The following GRAMD1C variants were observed in gnomAD, a reference collection of about 807,000 sequenced individuals.
The protein encoded by GRAMD1C is GRAM domain containing 1C, also known as protein Aster-C.
Under a neutral mutation model 97.8 loss-of-function variants are expected in GRAMD1C, and 89 were observed. The observed-to-expected ratio is 0.91, with a 90% CI of 0.77 to 1.09. The LOEUF (loss-of-function observed/expected upper bound fraction) is 1.09. Ranked by LOEUF, GRAMD1C falls within the 50% of genes least tolerant of loss-of-function variation. The pLI is 0.00. For synonymous variants in GRAMD1C, 256 were observed against 267.0 expected, an observed-to-expected ratio of 0.96 and a Z score of 0.40; for missense variants, 740 against 766.4, an observed-to-expected ratio of 0.97 and a Z score of 0.41.
intron 1 of GRAMD1C, among the ~76,000 whole-genome samples, chr3:113,828,743 C>CAA (rs1331529499): frequency 6.6e-6 from 1 of 152,110 alleles, no homozygotes; most frequent in East Asian, 1.9e-4. Context: ...TTGGTGATTT[C>CAA]AATAGCCACT....
chr3:113,923,769 G>A (rs1009313765), intron 10 of GRAMD1C, among the ~76,000 whole-genome samples: 1 of 152,104 alleles, frequency 6.6e-6, no homozygotes, highest in African/African-American at 2.4e-5. Flanking sequence ...GTATCAGAAT[G>A]ATGCTGAATG....
intron 17 of GRAMD1C, among the ~76,000 whole-genome samples, chr3:113,944,996 T>C (rs1322473383): frequency 6.6e-6 from 1 of 152,142 alleles, no homozygotes; most frequent in African/African-American, 2.4e-5. Context: ...AGAGTGTGAA[T>C]ATGAGTAAGT....
chr3:113,885,382 C>CG, intron 6 of GRAMD1C: 2 of 1,583,604 alleles, frequency 1.3e-6, no homozygotes, highest in Non-Finnish European at 1.7e-6. Flanking sequence ...TTACCTTTTG[C>CG]GGGGGCAGAT....
upstream of GRAMD1C, among the ~76,000 whole-genome samples, chr3:113,834,073 A>G (rs1046733479): frequency 6.6e-6 from 1 of 152,206 alleles, no homozygotes; most frequent in Non-Finnish European, 1.5e-5. Flanking sequence ...CATGTGTGCA[A>G]TTAAATCTAT....
intron 17 of GRAMD1C, among the ~76,000 whole-genome samples, chr3:113,942,694 T>C (rs1316231707): frequency 6.6e-6 from 1 of 152,216 alleles, no homozygotes; most frequent in African/African-American, 2.4e-5. Context: ...TCCTTAACAA[T>C]GCCTTGGTGT....
intron 15 of GRAMD1C, 44 bp downstream of exon 15, chr3:113,938,187 T>A: frequency 2.2e-6 from 2 of 889,188 alleles, no homozygotes; most frequent in Non-Finnish European, 3.5e-6. Context: ...TTTCAGCATT[T>A]ATCTTTAACT....
intron 2 of GRAMD1C, among the ~76,000 whole-genome samples, chr3:113,860,210 C>CA (rs1217529016): frequency 6.6e-5 from 10 of 152,056 alleles, no homozygotes; most frequent in Middle Eastern, 3.2e-3. Flanking sequence ...TTAGTAGAGA[C>CA]AGGGTTTCAC....
Position 113,904,262 on chromosome 3 carries a change from C to T in GRAMD1C, c.779C>T (p.Ser260Leu), listed in dbSNP as rs1224423909. The T allele has an allele frequency of 8.7e-6, 14 of 1,601,160 alleles. No homozygotes were observed. The highest frequency in any genetic ancestry group is 1.2e-5 in the Non-Finnish European group (14 of 1,168,474). Residue 260 changes from serine to leucine, a missense_variant, in exon 8 of 18, where the codon TCA (serine) becomes TTA (leucine). Ser to Leu is a moderately radical substitution (Grantham distance 145). Transcript: ENST00000358160. ...GAAACAGAGTCATTCGATGGAAATT[C>T]ATCAAAAGGAGTTAGTATATGATAT... ...VSETESFDGN[S>L]SKGGLGKEES...
chr3:113,856,843 ATTT>A (rs71144093), intron 2 of GRAMD1C, among the ~76,000 whole-genome samples: 126 of 140,866 alleles, frequency 8.9e-4, no homozygotes, highest in Admixed American at 9.2e-4. Context: ...CCAGCTGCCT[ATTT>A]TTTTTTTTTT....
intron 2 of GRAMD1C, 26 bp downstream of exon 2, chr3:113,844,675 T>A (rs756557871): frequency 7.9e-6 from 12 of 1,521,350 alleles, no homozygotes; most frequent in African/African-American, 4.2e-5. Flanking sequence ...ACGTCTTTAT[T>A]TTAATCTTGA....
intron 10 of GRAMD1C, 21 bp from the exon 11 acceptor site, chr3:113,930,693 T>G: frequency 8.3e-7 from 1 of 1,205,032 alleles, no homozygotes; most frequent in Non-Finnish European, 1.2e-6. Context: ...AACTAACTCA[T>G]TTTGTGTTTG....
chr3:113,900,885 G>A, intron 6 of GRAMD1C, 146 bp from the exon 7 acceptor site: 1 of 468,430 alleles, frequency 2.1e-6, no homozygotes, highest in Non-Finnish European at 3.8e-6. Context: ...CAAAATGGAG[G>A]TACAGAAAGG....
At chr3:113,930,363 C>T (rs531117287) in intron 10 of GRAMD1C, among the ~76,000 whole-genome samples, 4 of 152,144 alleles carry the variant, frequency 2.6e-5, no homozygotes, top group South Asian at 2.1e-4. Flanking sequence ...AGTGTTGTTC[C>T]GTCTCTGATA....
intron 6 of GRAMD1C, among the ~76,000 whole-genome samples, chr3:113,884,144 A>G (rs1935362745): frequency 6.6e-6 from 1 of 152,242 alleles, no homozygotes; most frequent in South Asian, 2.1e-4. Context: ...AAACAGTAGC[A>G]GAATATATAT....
In GRAMD1C at chr3:113,908,948, T is replaced by TA. The variant is rs780762479; in HGVS notation, c.790-9dup. On this transcript the variant is annotated splice_polypyrimidine_tract_variant and intron_variant, in intron 8 of 17. Transcript: ENST00000358160. Reference sequence around the variant, plus strand: ...TGTTTTATTTTGAAACTGGATTGTTTACCTTTTAGGGATTAGGCAAAGAGG... The same window carrying TA: ...TGTTTTATTTTGAAACTGGATTGTTTAACCTTTTAGGGATTAGGCAAAGAGG... The TA allele has an allele frequency of 3.9e-6, 6 of 1,522,666 alleles. No individual in the cohort carries two copies. In the East Asian group the frequency reaches 1.5e-4, roughly 38 times the overall value. 94.3% of individuals were successfully genotyped at this position (1,522,666 alleles called of 1,614,324 possible). A position where few individuals can be genotyped will look rare whatever the true frequency, so the allele number is the denominator to read the frequency against.
At chr3:113,927,897 G>A (rs899443555) in intron 10 of GRAMD1C, among the ~76,000 whole-genome samples, 3 of 152,198 alleles carry the variant, frequency 2.0e-5, no homozygotes, top group Admixed American at 1.3e-4. Flanking sequence ...TGGTACTGGT[G>A]TCATTCCGTT....
At chr3:113,919,215 G>T in intron 10 of GRAMD1C, 1 of 365,234 alleles carries the variant, frequency 2.7e-6, no homozygotes. Flanking sequence ...TGGTGGCCGT[G>T]CTGACAATGA....
chr3:113,904,089 T>G (rs1304087875), intron 7 of GRAMD1C, 51 bp from the exon 8 acceptor site: 8 of 1,474,924 alleles, frequency 5.4e-6, no homozygotes, highest in Middle Eastern at 3.5e-4. Flanking sequence ...ACCAAATCAT[T>G]TATTTGTGTG....
chr3:113,887,477 G>A (rs1417025764), intron 6 of GRAMD1C, among the ~76,000 whole-genome samples: 2 of 151,852 alleles, frequency 1.3e-5, no homozygotes, highest in East Asian at 3.9e-4. Flanking sequence ...GAGGTGGGTG[G>A]GTCACGAGGT....
Sources: gnomAD v4.1 joint callset for allele counts (sites outside exome capture counted in the v4.1 genomes callset) on GRCh38, gnomAD v4.1.1 for gene constraint, MANE v1.5 for transcripts, NCBI Gene and HGNC (gene_info 2026-07-23, HGNC 2026-07-21) for gene names.